The following SRRM3 variants were observed in gnomAD, a reference collection of about 807,000 sequenced individuals.
SRRM3 encodes serine/arginine repetitive matrix protein 3.
A neutral mutation model predicts 66.2 loss-of-function variants in SRRM3; 27 were observed. The observed-to-expected ratio is 0.41, with a 90% CI of 0.30 to 0.56. The LOEUF (loss-of-function observed/expected upper bound fraction) is 0.56. Among genes scored for constraint, SRRM3 ranks in the 20% least tolerant of loss-of-function variants. The pLI, the probability that SRRM3 is intolerant of heterozygous loss-of-function variation, is 0.32. For missense variants in SRRM3, 918 were observed against 991.9 expected (o/e 0.93, Z 1.00); for synonymous variants, 391 against 414.9 (o/e 0.94, Z 0.70).
At chr7:76,209,251 C>T (rs929407092) in intron 1 of SRRM3, among the ~76,000 whole-genome samples, 8 of 152,240 alleles carry the variant, frequency 5.3e-5, no homozygotes, top group Non-Finnish European at 8.8e-5. Context: ...GTGAATCAGA[C>T]TCTGCCTCTG....
At chr7:76,220,326 G>A (rs1006578917) in intron 1 of SRRM3, among the ~76,000 whole-genome samples, 10 of 152,196 alleles carry the variant, frequency 6.6e-5, no homozygotes, top group African/African-American at 2.4e-4. Flanking sequence ...AAGGCTTCAC[G>A]GAGGAGGTGA....
At chr7:76,280,712 C>G (rs1432883502) in intron 11 of SRRM3, among the ~76,000 whole-genome samples, 1 of 151,980 alleles carries the variant, frequency 6.6e-6, no homozygotes, top group Non-Finnish European at 1.5e-5. Context: ...TGCTCCGGGA[C>G]TGGCAGCCCC....
rs368471518 is a variant in SRRM3 at position 76,248,436 on chromosome 7, G to A, written c.335+147G>A. The A allele has an allele frequency of 3.7e-5, 23 of 627,930 alleles. No homozygotes were observed. In the East Asian group the frequency reaches 6.0e-4, roughly 16 times the overall value. 38.9% of individuals were successfully genotyped at this position (627,930 alleles called of 1,614,324 possible). On this transcript the variant is annotated intron_variant, in intron 3 of 14. Coordinates refer to ENST00000611745, the MANE Select transcript of SRRM3 (RefSeq NM_001110199.3). ...GAAGAAGATAAGGAGAAGGAGAGGAGAGCATGGTCTCTGCCCACTGGAAAT... is the reference window on the plus strand; with the variant it reads ...GAAGAAGATAAGGAGAAGGAGAGGAAAGCATGGTCTCTGCCCACTGGAAAT...
Position 76,265,413 on chromosome 7 carries a change from A to G in SRRM3, c.775A>G (p.Ser259Gly). The G allele has an allele frequency of 6.2e-7, 1 of 1,606,574 alleles. No homozygotes were observed. Among genetic ancestry groups the G allele is most frequent in the Non-Finnish European group, 8.5e-7 (1 of 1,176,824 alleles). ...GAGGTCTCATCGCCATAGCAGTGGC[A>G]GCTCCCACAGCCCCTCCCTCTCCTC... ...GRRSHRHSSG[S>G]SHSPSLSSHY... is the part of the protein sequence containing the mutation. The change falls in exon 10 of 15, where the codon AGC (serine) becomes GGC (glycine). Residue 259 changes from serine (S) to glycine (G), a missense_variant. Transcript: ENST00000611745.
At position 76,285,231 on chromosome 7, in the gene SRRM3, T is replaced by G; in HGVS notation, c.1734-384T>G. The G allele has an allele frequency of 1.4e-5, 3 of 210,902 alleles. No individual in the cohort carries two copies. Among genetic ancestry groups the G allele is most frequent in the Non-Finnish European group, 2.9e-5 (3 of 103,286 alleles). 13.1% of individuals were successfully genotyped at this position (210,902 alleles called of 1,614,324 possible). Reference sequence around the variant, plus strand: ...GGTGCACACCACCATGCCCGGCAAATGTTTGTATTTTTAGTAGAGACAGGG... The same window carrying G: ...GGTGCACACCACCATGCCCGGCAAAGGTTTGTATTTTTAGTAGAGACAGGG... On this transcript the variant is annotated intron_variant, in intron 14 of 14. Coordinates refer to ENST00000611745, the MANE Select transcript of SRRM3 (RefSeq NM_001110199.3). The surrounding 1 kb of genome is among the most constrained non-coding windows in gnomAD (Gnocchi z 4.1).
chr7:76,212,940 T>A (rs1466533633), intron 1 of SRRM3, among the ~76,000 whole-genome samples: 1 of 151,696 alleles, frequency 6.6e-6, no homozygotes, highest in African/African-American at 2.4e-5. Context: ...GATGTCCTGT[T>A]CCAATCTGGG....
At chr7:76,265,879 TTTTTTTTG>T (rs1802012437) in intron 10 of SRRM3, among the ~76,000 whole-genome samples, 1 of 33,230 alleles carries the variant, frequency 3.0e-5, no homozygotes, top group Non-Finnish European at 4.2e-5. Context: ...TTTTTTTTTT[TTTTTTTTG>T]AGACGGAGTC....
chr7:76,217,892 G>A (rs1031718713), intron 1 of SRRM3, among the ~76,000 whole-genome samples: 3 of 152,126 alleles, frequency 2.0e-5, no homozygotes, highest in South Asian at 2.1e-4. Flanking sequence ...TGTTTCTCAC[G>A]ACCCGAACCA....
chr7:76,213,183 G>T (rs759389335), intron 1 of SRRM3, among the ~76,000 whole-genome samples: 4 of 151,384 alleles, frequency 2.6e-5, no homozygotes, highest in Non-Finnish European at 4.4e-5. Context: ...CTAATTTTTT[G>T]AATTTTTAGT....
chr7:76,281,183 T>C (rs1554611820), intron 11 of SRRM3, among the ~76,000 whole-genome samples: 1 of 150,308 alleles, frequency 6.7e-6, no homozygotes, highest in Non-Finnish European at 1.5e-5. Flanking sequence ...CTGTCTTTCC[T>C]CTCTCCCTCT....
chr7:76,205,349 A>G (rs1338184083), intron 1 of SRRM3, among the ~76,000 whole-genome samples: 3 of 152,124 alleles, frequency 2.0e-5, no homozygotes, highest in Admixed American at 6.6e-5. Flanking sequence ...AGCTGGGACT[A>G]CAGGCATGTG....
intron 1 of SRRM3, among the ~76,000 whole-genome samples, chr7:76,230,261 C>T (rs1453243313): frequency 1.3e-5 from 2 of 152,110 alleles, no homozygotes; most frequent in Non-Finnish European, 2.9e-5. Context: ...TGACATTGAT[C>T]CATTAACCAG....
At chr7:76,253,685 A>G (rs1801636841) in intron 3 of SRRM3, among the ~76,000 whole-genome samples, 1 of 150,104 alleles carries the variant, frequency 6.7e-6, no homozygotes. Context: ...GCGTGTTGGC[A>G]CAGGCCTGTC....
chr7:76,248,279 G>C lies in SRRM3; in HGVS notation c.325G>C (p.Gly109Arg), dbSNP rs1283505610. The C allele has an allele frequency of 5.6e-6, 9 of 1,612,940 alleles. No homozygotes were observed. The highest frequency in any genetic ancestry group is 1.3e-5 in the African/African-American group (1 of 74,924). ...EGVLTREDRP[G>R]GHIVAETPRL... ...AGTGCTCACCAGGGAGGACCGGCCT[G>C]GGGGCCACATGTGAGTGCTTACCTG... is the stretch of plus-strand genomic sequence containing the variant. Residue 109 changes from glycine (G) to arginine (R), a missense_variant, in exon 3 of 15, where the codon GGG becomes CGG. Gly to Arg is a moderately radical substitution (Grantham distance 125). Transcript: ENST00000611745.
chr7:76,272,714 C>G (rs1337290188), intron 11 of SRRM3, among the ~76,000 whole-genome samples: 1 of 152,090 alleles, frequency 6.6e-6, no homozygotes, highest in Non-Finnish European at 1.5e-5. Flanking sequence ...AGGTGACACC[C>G]TTAGGTGAGG....
chr7:76,280,169 G>A (rs1455340969), intron 11 of SRRM3, among the ~76,000 whole-genome samples: 1 of 151,884 alleles, frequency 6.6e-6, no homozygotes, highest in Non-Finnish European at 1.5e-5. Flanking sequence ...AAAGACAGTC[G>A]GGTGCTACTG....
At position 76,235,305 on chromosome 7, in the gene SRRM3, C is replaced by A; in HGVS notation, c.233+6C>A. The A allele has an allele frequency of 6.7e-7, 1 of 1,498,028 alleles. No homozygotes were observed. Among genetic ancestry groups the A allele is most frequent in the Admixed American group, 2.1e-5 (1 of 47,274 alleles). 92.8% of individuals were successfully genotyped at this position (1,498,028 alleles called of 1,614,324 possible). A position where few individuals can be genotyped will look rare whatever the true frequency, so the allele number is the denominator to read the frequency against. ...GAGATGATGGAGGAGCAGGGGTGAG[C>A]AGGCCGCGGGGCGGGACTGGGGTGG... is the stretch of plus-strand genomic sequence containing the variant. On this transcript the variant is annotated splice_donor_region_variant and intron_variant, in intron 2 of 14. Coordinates refer to ENST00000611745, the MANE Select transcript of SRRM3 (RefSeq NM_001110199.3).
At chr7:76,240,861 TC>T (rs1403397632) in intron 2 of SRRM3, among the ~76,000 whole-genome samples, 1 of 151,644 alleles carries the variant, frequency 6.6e-6, no homozygotes, top group African/African-American at 2.4e-5. Context: ...TATTCCCCCT[TC>T]CCCACCCACA....
At chr7:76,254,405 G>A (rs1801655035) in intron 3 of SRRM3, among the ~76,000 whole-genome samples, 1 of 152,140 alleles carries the variant, frequency 6.6e-6, no homozygotes, top group South Asian at 2.1e-4. Flanking sequence ...TGCAACCTCC[G>A]CCTCCCAGGA....
Sources: gnomAD v4.1 joint callset for allele counts (sites outside exome capture counted in the v4.1 genomes callset) on GRCh38, gnomAD v4.1.1 for gene constraint, Gnocchi (gnomAD v3.1) non-coding constraint, MANE v1.5 for transcripts, NCBI Gene and HGNC (gene_info 2026-07-23, HGNC 2026-07-21) for gene names.